Variants in PRELID2 observed in about 807,000 individuals in gnomAD.
PRELID2 encodes the protein PRELI domain containing 2.
A neutral mutation model predicts 28.4 loss-of-function variants in PRELID2; 25 were observed. The ratio of observed to expected loss-of-function variants is 0.88; its 90% CI spans 0.64 to 1.23. The LOEUF (loss-of-function observed/expected upper bound fraction) is 1.23, where lower values mean the gene tolerates loss of function less well. Among genes scored for constraint, PRELID2 ranks in the 50% most tolerant of loss-of-function variants. The pLI is 0.00. For missense variants in PRELID2, 201 were observed against 214.4 expected, an observed-to-expected ratio of 0.94 and a Z score of 0.39; for synonymous variants, 76 against 71.6, an observed-to-expected ratio of 1.06 and a Z score of -0.31.
At chr5:145,354,648 C>G in the PRELID2 span, among the ~76,000 whole-genome samples, 1 of 151,994 alleles carries the variant, frequency 6.6e-6, no homozygotes, top group African/African-American at 2.4e-5. Context: ...CTTTTAAAAC[C>G]CCAACAATAA....
chr5:145,294,140 T>G, the PRELID2 span, among the ~76,000 whole-genome samples: 78 of 152,294 alleles, frequency 5.1e-4, 2 homozygotes, highest in African/African-American at 1.9e-3. Context: ...AATGTGAGTC[T>G]GTTTTCTGGG....
intron 5 of PRELID2, among the ~76,000 whole-genome samples, chr5:145,778,965 C>T (rs1758594462): frequency 1.3e-5 from 2 of 152,252 alleles, no homozygotes; most frequent in Middle Eastern, 6.8e-3. Context: ...TGAGGTAATA[C>T]ATGCAACATA....
At chr5:145,430,633 G>A in the PRELID2 span, among the ~76,000 whole-genome samples, 1 of 152,054 alleles carries the variant, frequency 6.6e-6, no homozygotes, top group Non-Finnish European at 1.5e-5. Flanking sequence ...TGTTTCTCAT[G>A]GTACCATTTC....
chr5:145,417,208 A>G, the PRELID2 span, among the ~76,000 whole-genome samples: 1 of 152,280 alleles, frequency 6.6e-6, no homozygotes, highest in East Asian at 1.9e-4. Context: ...GAAGAAATTG[A>G]ATCCCCAAAC....
chr5:145,499,283 G>T (rs994453492), intron 1 of PRELID2, among the ~76,000 whole-genome samples: 3 of 152,112 alleles, frequency 2.0e-5, no homozygotes. Flanking sequence ...ATATTATATA[G>T]TTATATATCT....
At chr5:145,493,452 T>G (rs1193813222) in intron 1 of PRELID2, among the ~76,000 whole-genome samples, 1 of 152,216 alleles carries the variant, frequency 6.6e-6, no homozygotes, top group Admixed American at 6.6e-5. Flanking sequence ...ATTGCTTCAG[T>G]GTCCTGATTG....
the PRELID2 span, among the ~76,000 whole-genome samples, chr5:145,280,325 G>A: frequency 1.3e-5 from 2 of 152,104 alleles, no homozygotes; most frequent in South Asian, 4.1e-4. Flanking sequence ...ACAATTGAGA[G>A]CAATTTGTAA....
chr5:145,835,016 G>A (rs968847920), intron 1 of PRELID2, 161 bp downstream of exon 1: 1 of 554,720 alleles, frequency 1.8e-6, no homozygotes, highest in Non-Finnish European at 3.3e-6. Context: ...CCTGTAAAGG[G>A]AGTCTTCGAG....
intron 4 of PRELID2, among the ~76,000 whole-genome samples, chr5:145,811,618 TTACTGTGGCATAGGACA>T (rs1753946450): frequency 6.6e-6 from 1 of 152,158 alleles, no homozygotes; most frequent in Non-Finnish European, 1.5e-5. Flanking sequence ...GCCTACTCAG[TTACTGTGGCATAGGACA>T]TGAGAGGAGA....
chr5:145,362,592 T>C, the PRELID2 span, among the ~76,000 whole-genome samples: 2 of 152,108 alleles, frequency 1.3e-5, no homozygotes, highest in African/African-American at 4.8e-5. Context: ...GATGAATACA[T>C]AACATTTCAC....
chr5:145,246,913 C>G, the PRELID2 span, among the ~76,000 whole-genome samples: 1 of 152,128 alleles, frequency 6.6e-6, no homozygotes, highest in Non-Finnish European at 1.5e-5. Context: ...AGACCCTCTT[C>G]TTTCCTGGGG....
intron 2 of PRELID2, among the ~76,000 whole-genome samples, chr5:145,821,191 T>TTGTG (rs1234349533): frequency 3.2e-5 from 1 of 31,454 alleles, no homozygotes; most frequent in Non-Finnish European, 7.7e-5. Flanking sequence ...GTAAGTCCTC[T>TTGTG]TCTGTGTGTG....
At chr5:145,291,300 G>A in the PRELID2 span, among the ~76,000 whole-genome samples, 2 of 131,682 alleles carry the variant, frequency 1.5e-5, no homozygotes, top group South Asian at 4.9e-4. Flanking sequence ...TTGCACTACT[G>A]CACTCCAGCC....
At chr5:145,658,946 A>C (rs185580852) in intron 1 of PRELID2, among the ~76,000 whole-genome samples, 1 of 152,238 alleles carries the variant, frequency 6.6e-6, no homozygotes, top group African/African-American at 2.4e-5. Context: ...GCCTCCATGA[A>C]GATGTGGCAT....
At chr5:145,492,601 T>C (rs1187306790) in intron 1 of PRELID2, among the ~76,000 whole-genome samples, 2 of 141,840 alleles carry the variant, frequency 1.4e-5, no homozygotes, top group African/African-American at 5.0e-5. Flanking sequence ...CCTAGGTCAA[T>C]GTCATAGAGC....
the PRELID2 span, among the ~76,000 whole-genome samples, chr5:145,389,815 T>C: frequency 6.6e-6 from 1 of 152,182 alleles, no homozygotes. Flanking sequence ...AACAATACTT[T>C]CATTTCTGCC....
At chr5:145,803,629 C>G (rs1379589271) in intron 4 of PRELID2, among the ~76,000 whole-genome samples, 1 of 151,310 alleles carries the variant, frequency 6.6e-6, no homozygotes, top group African/African-American at 2.4e-5. Flanking sequence ...GCGGAAAGCA[C>G]TCAAAGTACT....
intron 4 of PRELID2, among the ~76,000 whole-genome samples, chr5:145,815,866 T>C (rs554215718): frequency 3.3e-5 from 5 of 152,288 alleles, no homozygotes; most frequent in Admixed American, 6.5e-5. Flanking sequence ...GAAAGTTTTG[T>C]ACAAGTTTTT....
intron 1 of PRELID2, among the ~76,000 whole-genome samples, chr5:145,491,274 G>A (rs1752266342): frequency 1.3e-5 from 2 of 152,244 alleles, no homozygotes; most frequent in South Asian, 4.1e-4. Flanking sequence ...CTCATAGATG[G>A]TGTGTTCTGT....
Sources: gnomAD v4.1 joint callset for allele counts (sites outside exome capture counted in the v4.1 genomes callset) on GRCh38, gnomAD v4.1.1 for gene constraint, MANE v1.5 for transcripts, NCBI Gene and HGNC (gene_info 2026-07-23, HGNC 2026-07-21) for gene names.